The following PARM1 variants were observed in gnomAD, a reference collection of about 807,000 sequenced individuals.
PARM1 encodes the protein WSC4, cell wall integrity and stress response component 4 homolog.
In PARM1, 14 loss-of-function variants were observed where a neutral mutation model predicts 24.6. The observed-to-expected ratio is 0.57, with a 90% CI of 0.38 to 0.89. The LOEUF (loss-of-function observed/expected upper bound fraction) is 0.89, where lower values mean the gene tolerates loss of function less well. Among genes scored for constraint, PARM1 ranks in the 40% least tolerant of loss-of-function variants. The pLI is 0.00. For synonymous variants in PARM1, 179 were observed against 156.6 expected (o/e 1.14, Z -1.07); for missense variants, 362 against 380.4 (o/e 0.95, Z 0.40).
chr4:74,940,334 G>A (rs1721278978), intron 1 of PARM1, among the ~76,000 whole-genome samples: 2 of 152,120 alleles, frequency 1.3e-5, no homozygotes, highest in Non-Finnish European at 2.9e-5. Flanking sequence ...AGTTCATCCA[G>A]GCTGCTATAA....
intron 1 of PARM1, among the ~76,000 whole-genome samples, chr4:74,981,331 TTATGTGGCCAAGAAACA>T (rs1402354387): frequency 8.2e-4 from 125 of 152,122 alleles, no homozygotes; most frequent in African/African-American, 2.8e-3. Flanking sequence ...TTTAAGACAT[TTATGTGGCCAAGAAACA>T]TATGTGGCCA....
intron 1 of PARM1, among the ~76,000 whole-genome samples, chr4:75,001,693 C>A (rs1430475626): frequency 6.6e-6 from 1 of 152,174 alleles, no homozygotes; most frequent in Non-Finnish European, 1.5e-5. Context: ...TGACTGGCAT[C>A]TTCGGTGAAA....
rs1410175944 is a variant in PARM1 at position 74,933,679 on chromosome 4, G to C, written c.43+309G>C. 3.3e-5 allele frequency among the ~76,000 whole-genome samples: 5 copies of C among 152,218 alleles called. No individual in the cohort carries two copies. The East Asian group carries it at 9.6e-4, about 29-fold the overall frequency. ...TGGGCAACACGGACTGCGCCTCAAG[G>C]CTTCTCTTTCTTCACCAGGGTTTCG... On this transcript the variant is annotated intron_variant, in intron 1 of 3. Coordinates refer to ENST00000307428, the MANE Select transcript of PARM1 (RefSeq NM_015393.4).
chr4:75,034,103 A>AGGAGTACACCCG, intron 3 of PARM1, 142 bp downstream of exon 3: 1 of 666,492 alleles, frequency 1.5e-6, no homozygotes, highest in Non-Finnish European at 2.6e-6. Flanking sequence ...TGGCGGGTGT[A>AGGAGTACACCCG]CTCCTACACC....
intron 1 of PARM1, among the ~76,000 whole-genome samples, chr4:74,970,941 T>C (rs1722021030): frequency 6.6e-6 from 1 of 152,180 alleles, no homozygotes; most frequent in South Asian, 2.1e-4. Flanking sequence ...TGAGATAGTT[T>C]CCTCACTCCT....
rs1723641158 is a variant in PARM1, at chr4:75,047,971, A to C, written c.*1724A>C. ...GTCCTGATTTCATATAGTAGAAAAC[A>C]AACATTGGGTCCGACTTCAAAATGT... is the stretch of plus-strand genomic sequence containing the variant. On this transcript the variant is annotated 3_prime_UTR_variant, in exon 4 of 4. Coordinates refer to ENST00000307428, the MANE Select transcript of PARM1 (RefSeq NM_015393.4). 6.6e-6 allele frequency: 1 copy of C among 152,212 alleles called. No homozygotes were observed. Among genetic ancestry groups the C allele is most frequent in the Non-Finnish European group, 1.5e-5 (1 of 68,044 alleles). The allele number at this position is 152,212 out of a possible 1,614,324, so 9.4% of individuals were successfully genotyped here.
chr4:75,034,912 C>T (rs1170331957), intron 3 of PARM1: 1 of 152,502 alleles, frequency 6.6e-6, no homozygotes, highest in African/African-American at 2.4e-5. Context: ...CAGCGTGGCC[C>T]TCAGTCATCC....
intron 1 of PARM1, among the ~76,000 whole-genome samples, chr4:74,959,187 C>A (rs752238063): frequency 1.8e-4 from 28 of 152,122 alleles, no homozygotes; most frequent in Admixed American, 1.2e-3. Context: ...CACTAGAGAT[C>A]TAGATTTATA....
At chr4:75,013,855 A>G (rs1722928468) in intron 2 of PARM1, among the ~76,000 whole-genome samples, 2 of 152,202 alleles carry the variant, frequency 1.3e-5, no homozygotes, top group Non-Finnish European at 2.9e-5. Context: ...TAATCTTGGA[A>G]ATTATGGTGG....
rs1007796998 is a variant in PARM1 at position 75,049,959 on chromosome 4, T to C, written c.*3712T>C. 1 of 150,840 alleles carries C rather than the reference T, an allele frequency of 6.6e-6. No homozygotes were observed. The allele number at this position is 150,840 out of a possible 1,614,324, so 9.3% of individuals were successfully genotyped here. On this transcript the variant is annotated 3_prime_UTR_variant, in exon 4 of 4. Coordinates refer to ENST00000307428, the MANE Select transcript of PARM1 (RefSeq NM_015393.4). Reference sequence around the variant, plus strand: ...GTAATAATGCTAACCAAGAGATCAATGCCAGATTTTTCTCTTGGGGTAAGT... The same window carrying C: ...GTAATAATGCTAACCAAGAGATCAACGCCAGATTTTTCTCTTGGGGTAAGT...
intron 1 of PARM1, among the ~76,000 whole-genome samples, chr4:74,935,134 C>T (rs1721154206): frequency 6.6e-6 from 1 of 152,112 alleles, no homozygotes; most frequent in African/African-American, 2.4e-5. Context: ...CTCCTACCCC[C>T]ACGCACTAAT....
intron 1 of PARM1, among the ~76,000 whole-genome samples, chr4:74,960,866 T>A (rs1406488278): frequency 2.0e-5 from 3 of 147,834 alleles, no homozygotes; most frequent in Admixed American, 1.3e-4. Context: ...AAAAAAAAAA[T>A]TAGCGGGGTG....
rs576840685 is a variant in PARM1, at chr4:75,012,912, T to A, written c.531T>A (p.His177Gln). ...TTTCTGCCTCCGTTACTACCAACCATAGCTCCACTGTGACCAGCACCCAAC... is the reference window on the plus strand; with the variant it reads ...TTTCTGCCTCCGTTACTACCAACCAAAGCTCCACTGTGACCAGCACCCAAC... ...EVFSASVTTN[H>Q]SSTVTSTQPT... The change falls in exon 2 of 4, where the codon CAT (histidine) becomes CAA (glutamine). Residue 177 changes from histidine to glutamine, a missense_variant. By Grantham distance (24) the His-to-Gln change is conservative. Transcript: ENST00000307428. The A allele has an allele frequency of 6.2e-7, 1 of 1,613,936 alleles. No homozygotes were observed. The highest frequency in any genetic ancestry group is 8.5e-7 in the Non-Finnish European group (1 of 1,179,884).
At chr4:74,953,992 C>T (rs2109985842) in intron 1 of PARM1, among the ~76,000 whole-genome samples, 1 of 152,290 alleles carries the variant, frequency 6.6e-6, no homozygotes, top group South Asian at 2.1e-4. Context: ...ACCTCCTCTC[C>T]AAAGGTGACA....
chr4:75,022,298 A>C (rs1723102250), intron 2 of PARM1, among the ~76,000 whole-genome samples: 2 of 152,216 alleles, frequency 1.3e-5, no homozygotes, highest in Admixed American at 1.3e-4. Flanking sequence ...ATAAACTCTC[A>C]TAAGGGGCTC....
At chr4:75,020,372 CTG>C (rs1173866125) in intron 2 of PARM1, among the ~76,000 whole-genome samples, 1 of 152,206 alleles carries the variant, frequency 6.6e-6, no homozygotes, top group African/African-American at 2.4e-5. Flanking sequence ...TAACTCCCCT[CTG>C]TCACTGAGTA....
chr4:74,973,209 G>T (rs2109766361), intron 1 of PARM1, among the ~76,000 whole-genome samples: 1 of 152,202 alleles, frequency 6.6e-6, no homozygotes, highest in South Asian at 2.1e-4. Flanking sequence ...TTCAGTCAAT[G>T]AAGTATAAAA....
At chr4:74,957,139 G>A (rs1721653401) in intron 1 of PARM1, 1 of 152,170 alleles carries the variant, frequency 6.6e-6, no homozygotes, top group African/African-American at 2.4e-5. Context: ...ATTGTGTTAG[G>A]CACTTCACAG....
intron 1 of PARM1, among the ~76,000 whole-genome samples, chr4:74,985,979 G>T (rs910741346): frequency 6.6e-6 from 1 of 152,128 alleles, no homozygotes; most frequent in Non-Finnish European, 1.5e-5. Context: ...ATGTTGGCCA[G>T]ACTGGTCTCA....
Sources: allele counts gnomAD v4.1 joint callset (sites outside exome capture counted in the v4.1 genomes callset), GRCh38; gene constraint gnomAD v4.1.1; transcripts MANE v1.5; gene names NCBI Gene and HGNC (gene_info 2026-07-23, HGNC 2026-07-21).